DNM1: variants seen among roughly 807,000 people sequenced by gnomAD.
DNM1 encodes dynamin 1.
Under a neutral mutation model 104.6 loss-of-function variants are expected in DNM1, and 29 were observed. The observed-to-expected ratio is 0.28, with a 90% CI of 0.21 to 0.38. The LOEUF is 0.38. Among genes scored for constraint, DNM1 ranks in the 10% least tolerant of loss-of-function variants. The pLI is 1.00. For synonymous variants in DNM1, 445 were observed against 475.8 expected (o/e 0.94, Z 0.84); for missense variants, 640 against 1,189.4 (o/e 0.54, Z 6.79).
chr9:128,231,190 T>C (rs1278556220), intron 10 of DNM1, among the ~76,000 whole-genome samples: 3 of 139,020 alleles, frequency 2.2e-5, no homozygotes, highest in African/African-American at 5.4e-5. Context: ...ACTGATACTT[T>C]TGCCTTTTTT....
rs1279759290 is a variant in DNM1, at chr9:128,254,177, C to T, written c.2535-477C>T. 6.1e-6 allele frequency: 8 copies of T among 1,312,242 alleles called. No homozygotes were observed. Among genetic ancestry groups the T allele is most frequent in the Non-Finnish European group, 7.7e-6 (8 of 1,038,046 alleles). The allele number at this position is 1,312,242 out of a possible 1,614,324, so 81.3% of individuals were successfully genotyped here. On this transcript the variant is annotated intron_variant, in intron 21 of 21. Coordinates refer to ENST00000372923, the MANE Select transcript of DNM1 (RefSeq NM_004408.4). This position sits in a 1 kb window ranked among gnomAD's most constrained non-coding sequence, Gnocchi z 6.1. The stretch of plus-strand genomic sequence containing the variant: ...TCTGAACACCCAGAGGGGCCTCCGG[C>T]GCTCCCTCCAGCCATCCCTTTTAGT...
Position 128,220,243 on chromosome 9 carries a change from G to A in DNM1, c.751G>A (p.Ala251Thr). The change falls in exon 6 of 22, where the codon GCC becomes ACC. Residue 251 changes from alanine (A) to threonine (T), a missense_variant. Coordinates refer to ENST00000372923, the MANE Select transcript of DNM1 (RefSeq NM_004408.4). This position sits in a 1 kb window ranked among gnomAD's most constrained non-coding sequence, Gnocchi z 5.2. ...DIDGKKDITA[A>T]LAAERKFFLS... is the part of the protein sequence containing the mutation. The stretch of plus-strand genomic sequence containing the variant: ...TGATGGCAAGAAGGACATTACCGCC[G>A]CCTTGGCTGCTGAACGAAAGTTCTT... 6.2e-7 allele frequency: 1 copy of A among 1,614,196 alleles called. No homozygotes were observed. The highest frequency in any genetic ancestry group is 8.5e-7 in the Non-Finnish European group (1 of 1,180,042).
rs150094408 is a variant in DNM1, at chr9:128,220,076, C to G, written c.678C>G (p.Pro226=). The change falls in exon 5 of 22, where the codon CCC becomes CCG. Residue 226 remains proline (P), a synonymous_variant. Transcript: ENST00000372923. The surrounding 1 kb of genome is among the most constrained non-coding windows in gnomAD (Gnocchi z 5.2). The part of the protein sequence containing the change: ...ARDVLENKLL[P]LRRGYIGVVN... ...ATGTGCTGGAGAACAAGCTGCTCCC[C>G]CTGCGCAGAGGTAAGCAGGCCATGC... 2.5e-6 allele frequency: 4 copies of G among 1,613,202 alleles called. No homozygotes were observed. In the African/African-American group the frequency reaches 5.3e-5, roughly 22 times the overall value.
intron 20 of DNM1, 52 bp from the exon 21 acceptor site, chr9:128,250,673 G>A (rs1403672017): frequency 2.9e-6 from 4 of 1,377,914 alleles, no homozygotes; most frequent in Non-Finnish European, 3.8e-6. Context: ...CTCTGGGTGG[G>A]CGGAGCTGCT....
At position 128,243,722 on chromosome 9, in the gene DNM1, A is replaced by G. The variant is rs1836549966; in HGVS notation, c.1671+1377A>G. Reference sequence around the variant, plus strand: ...AGGTTCCTTACTCAGGGCCAGGGAGACCATGTGACCTGGGGCTGAGGGCCG... The same window carrying G: ...AGGTTCCTTACTCAGGGCCAGGGAGGCCATGTGACCTGGGGCTGAGGGCCG... On this transcript the variant is annotated intron_variant, in intron 15 of 21. Coordinates refer to ENST00000372923, the MANE Select transcript of DNM1 (RefSeq NM_004408.4). The surrounding 1 kb of genome is among the most constrained non-coding windows in gnomAD (Gnocchi z 4.0). Among the ~76,000 whole-genome samples the G allele has an allele frequency of 6.6e-6, 1 of 151,828 alleles. No individual in the cohort carries two copies. Among genetic ancestry groups the G allele is most frequent in the Admixed American group, 6.5e-5 (1 of 15,268 alleles).
Position 128,254,566 on chromosome 9 carries a change from C to CG in DNM1, c.2535-86dup. ...CCTCCCACCACTGCTGCGGCGCGGCCGGCCCCGGCCGTGTGCTGCGCTTGC... is the reference window on the plus strand; with the variant it reads ...CCTCCCACCACTGCTGCGGCGCGGCCGGGCCCCGGCCGTGTGCTGCGCTTGC... On this transcript the variant is annotated intron_variant, in intron 21 of 21. Coordinates refer to ENST00000372923, the MANE Select transcript of DNM1 (RefSeq NM_004408.4). The surrounding 1 kb of genome is among the most constrained non-coding windows in gnomAD (Gnocchi z 6.1). 1.3e-6 allele frequency: 2 copies of CG among 1,588,872 alleles called. No homozygotes were observed. Among genetic ancestry groups the CG allele is most frequent in the Non-Finnish European group, 1.7e-6 (2 of 1,175,656 alleles).
Position 128,219,059 on chromosome 9 carries a change from G to T in DNM1, c.396G>T (p.Leu132=). The change falls in exon 4 of 22, where the codon CTG becomes CTT. Residue 132 remains leucine (L), a synonymous_variant. Transcript: ENST00000372923. ...CGCCGCCCTGTCCAGTGCTGAACCT[G>T]ACCCTGGTGGACCTGCCCGGAATGA... ...LRVYSPHVLN[L]TLVDLPGMTK... 4 of 1,613,980 alleles carry T rather than the reference G, an allele frequency of 2.5e-6. No individual in the cohort carries two copies. In the South Asian group the frequency reaches 4.4e-5, roughly 18 times the overall value.
In DNM1 at chr9:128,222,641, C is replaced by G; in HGVS notation, c.1128+45C>G. ...GGACAGGATGGCTCAGGACTCCCCC[C>G]ACCCTCACTCAGGACTCTCTCTGCG... On this transcript the variant is annotated intron_variant, in intron 8 of 21. Coordinates refer to ENST00000372923, the MANE Select transcript of DNM1 (RefSeq NM_004408.4). This position sits in a 1 kb window ranked among gnomAD's most constrained non-coding sequence, Gnocchi z 7.8. 1 of 1,610,684 alleles carries G rather than the reference C, an allele frequency of 6.2e-7. No homozygotes were observed. The highest frequency in any genetic ancestry group is 1.3e-5 in the African/African-American group (1 of 74,988).
At position 128,220,721 on chromosome 9, in the gene DNM1, ACTGAAGTGCGCG is replaced by A. The variant is rs1834890403; in HGVS notation, c.849+382_849+393del. ...CTCCATCTGGAATGGGGCATCCAGAACTGAAGTGCGCGCGCGCGCGCGTGTGTGTGTGTGTGT... is the reference window on the plus strand; with the variant it reads ...CTCCATCTGGAATGGGGCATCCAGAACGCGCGCGCGTGTGTGTGTGTGTGT... On this transcript the variant is annotated intron_variant, in intron 6 of 21. Transcript: ENST00000372923. The surrounding 1 kb of genome is among the most constrained non-coding windows in gnomAD (Gnocchi z 5.2). Among the ~76,000 whole-genome samples, 1 of 88,202 alleles carries A rather than the reference ACTGAAGTGCGCG, an allele frequency of 1.1e-5. No individual in the cohort carries two copies. Among genetic ancestry groups the A allele is most frequent in the Non-Finnish European group, 2.5e-5 (1 of 40,142 alleles). 57.9% of individuals were successfully genotyped at this position (88,202 alleles called of 152,430 possible). A position where few individuals can be genotyped will look rare whatever the true frequency, so the allele number is the denominator to read the frequency against.
chr9:128,250,411 G>A (rs2131298128), intron 20 of DNM1, 55 bp downstream of exon 20: 1 of 1,499,238 alleles, frequency 6.7e-7, no homozygotes, highest in Admixed American at 2.1e-5. Context: ...GCCCGCGGGA[G>A]GAATGCCGGG....
chr9:128,228,110 C>T (rs976716904), intron 10 of DNM1, among the ~76,000 whole-genome samples: 2 of 151,896 alleles, frequency 1.3e-5, no homozygotes, highest in African/African-American at 2.4e-5. Context: ...GGTGCCATCT[C>T]GGCTCACTGC....
At chr9:128,215,441 C>A (rs965310784) in intron 1 of DNM1, among the ~76,000 whole-genome samples, 1 of 152,252 alleles carries the variant, frequency 6.6e-6, no homozygotes, top group Admixed American at 6.5e-5. Flanking sequence ...ACTTTGAGAA[C>A]CTGGGCCATG....
At chr9:128,246,848 G>A (rs969480646) in intron 16 of DNM1, 3 of 342,820 alleles carry the variant, frequency 8.8e-6, no homozygotes, top group Non-Finnish European at 1.7e-5. Context: ...CTGGTATAGT[G>A]CATGCTCTTC....
chr9:128,209,173 G>A (rs1834146347), intron 1 of DNM1, among the ~76,000 whole-genome samples: 1 of 152,202 alleles, frequency 6.6e-6, no homozygotes, highest in Non-Finnish European at 1.5e-5. Flanking sequence ...CTGCCTGTGG[G>A]CCACATGTGG....
Position 128,218,278 on chromosome 9 carries a change from T to A in DNM1, c.209T>A (p.Val70Asp). Residue 70 changes from valine to aspartate, a missense_variant, in exon 2 of 22, where the codon GTC becomes GAC. Transcript: ENST00000372923. The surrounding 1 kb of genome is among the most constrained non-coding windows in gnomAD (Gnocchi z 4.8). ...GSGIVTRRPL[V>D]LQLVNATTEY... is the part of the protein sequence containing the mutation. Reference sequence around the variant, plus strand: ...GGCATTGTCACCCGACGTCCCCTGGTCTTGCAGCTGGTCAATGCAACCACA... The same window carrying A: ...GGCATTGTCACCCGACGTCCCCTGGACTTGCAGCTGGTCAATGCAACCACA... 1 of 1,614,088 alleles carries A rather than the reference T, an allele frequency of 6.2e-7. No individual in the cohort carries two copies. The highest frequency in any genetic ancestry group is 8.5e-7 in the Non-Finnish European group (1 of 1,180,006).
At chr9:128,208,152 C>T (rs1834085849) in intron 1 of DNM1, among the ~76,000 whole-genome samples, 1 of 152,044 alleles carries the variant, frequency 6.6e-6, no homozygotes, top group Non-Finnish European at 1.5e-5. Context: ...CTCCACCTCC[C>T]AAGTTCAAGT....
chr9:128,253,382 C>T lies in DNM1; in HGVS notation c.2535-1272C>T. On this transcript the variant is annotated intron_variant, in intron 21 of 21. Coordinates refer to ENST00000372923, the MANE Select transcript of DNM1 (RefSeq NM_004408.4). This position sits in a 1 kb window ranked among gnomAD's most constrained non-coding sequence, Gnocchi z 5.9. ...TGGCTGAGCCTGGAGGCTCTTGGAA[C>T]AGGCTCCGCGCCCAAGCTGGCAGAC... is the stretch of plus-strand genomic sequence containing the variant. 1.8e-6 allele frequency: 1 copy of T among 560,356 alleles called. No individual in the cohort carries two copies. The highest frequency in any genetic ancestry group is 3.0e-5 in the East Asian group (1 of 33,304). The allele number at this position is 560,356 out of a possible 1,614,324, so 34.7% of individuals were successfully genotyped here.
In DNM1 at chr9:128,228,694, A is replaced by C. The variant is rs183894295; in HGVS notation, c.1335+4305A>C. Among the ~76,000 whole-genome samples the C allele has an allele frequency of 9.8e-5, 15 of 152,312 alleles. 1 individual carries two copies. In the East Asian group the frequency reaches 2.9e-3, roughly 29 times the overall value. On this transcript the variant is annotated intron_variant, in intron 10 of 21. Coordinates refer to ENST00000372923, the MANE Select transcript of DNM1 (RefSeq NM_004408.4). ...GTTATTTAGAATATTGAAAAACTGG[A>C]AACTATCTGGCCAGGCGCAGTGGCT...
chr9:128,235,627 T>C (rs1171997713), intron 11 of DNM1, among the ~76,000 whole-genome samples: 1 of 152,100 alleles, frequency 6.6e-6, no homozygotes, highest in Non-Finnish European at 1.5e-5. Context: ...TGAAGATGAG[T>C]GTACAAATCC....
Sources: allele counts gnomAD v4.1 joint callset (sites outside exome capture counted in the v4.1 genomes callset), GRCh38; gene constraint gnomAD v4.1.1; non-coding constraint Gnocchi (gnomAD v3.1); transcripts MANE v1.5; gene names NCBI Gene and HGNC (gene_info 2026-07-23, HGNC 2026-07-21).